UBE2V1: variants seen among roughly 807,000 people sequenced by gnomAD.
UBE2V1 encodes ubiquitin conjugating enzyme E2 V1.
A neutral mutation model predicts 19.6 loss-of-function variants in UBE2V1; 15 were observed. That is an observed-to-expected ratio of 0.77 (90% CI 0.51 to 1.18). UBE2V1 has a LOEUF of 1.18. Ranked by LOEUF, UBE2V1 falls within the 50% of genes most tolerant of loss-of-function variation. UBE2V1 has a pLI of 0.00. For synonymous variants in UBE2V1, 60 were observed against 60.7 expected, an observed-to-expected ratio of 0.99 and a Z score of 0.05; for missense variants, 125 against 184.8, an observed-to-expected ratio of 0.68 and a Z score of 1.88.
At chr20:50,103,903 C>T (rs916031977) in intron 1 of UBE2V1, among the ~76,000 whole-genome samples, 2 of 149,448 alleles carry the variant, frequency 1.3e-5, no homozygotes. Flanking sequence ...AGAGCTGTGA[C>T]TCATTCAATC....
chr20:50,097,861 A>G (rs1042231024), intron 1 of UBE2V1, among the ~76,000 whole-genome samples: 1 of 152,240 alleles, frequency 6.6e-6, no homozygotes, highest in African/African-American at 2.4e-5. Flanking sequence ...AGGTGTTGCC[A>G]GTATATGTAT....
chr20:50,101,958 C>T (rs1047740582), intron 1 of UBE2V1, among the ~76,000 whole-genome samples: 1 of 152,140 alleles, frequency 6.6e-6, no homozygotes, highest in African/African-American at 2.4e-5. Flanking sequence ...GAGGTTGGAG[C>T]CATGTTACTA....
chr20:50,091,060 T>G (rs146000862), intron 2 of UBE2V1, among the ~76,000 whole-genome samples: 94 of 152,302 alleles, frequency 6.2e-4, no homozygotes, highest in African/African-American at 2.2e-3. Flanking sequence ...AAAAAATTTT[T>G]TTTGAGACAA....
chr20:50,085,712 C>A (rs749807360), intron 2 of UBE2V1, among the ~76,000 whole-genome samples: 6 of 152,154 alleles, frequency 3.9e-5, no homozygotes, highest in Non-Finnish European at 7.3e-5. Flanking sequence ...TCATAATATA[C>A]CCATGGAAAC....
At chr20:50,113,799 A>ATTCG (rs1555882078), upstream of UBE2V1, among the ~76,000 whole-genome samples, 2 of 126,148 alleles carry the variant, frequency 1.6e-5, no homozygotes, top group Admixed American at 7.5e-5. Context: ...TCATTCGTTC[A>ATTCG]TTCATTCATT....
chr20:50,111,562 G>C (rs1478061199), intron 1 of UBE2V1: 1 of 1,000,174 alleles, frequency 1.0e-6, no homozygotes, highest in Admixed American at 6.1e-5. Flanking sequence ...CACTGTTCCA[G>C]CTGAAACCAA....
Position 50,081,247 on chromosome 20 carries a change from C to T in UBE2V1, c.*1521G>A, listed in dbSNP as rs1216160245. On this transcript the variant is annotated 3_prime_UTR_variant, in exon 4 of 4. Transcript: ENST00000371674. ...CTTACAGGATGTTAAATCCTTAGAA[C>T]TAAGGTTTTCCCCCCAGAAAAAGAT... The T allele has an allele frequency of 6.6e-6, 1 of 151,452 alleles. No individual in the cohort carries two copies. The highest frequency in any genetic ancestry group is 2.4e-5 in the African/African-American group (1 of 41,034). The allele number at this position is 151,452 out of a possible 1,614,324, so 9.4% of individuals were successfully genotyped here. A position where few individuals can be genotyped will look rare whatever the true frequency, so the allele number is the denominator to read the frequency against.
At chr20:50,109,499 C>T (rs2080605930) in intron 1 of UBE2V1, among the ~76,000 whole-genome samples, 1 of 151,942 alleles carries the variant, frequency 6.6e-6, no homozygotes. Context: ...GCCTGTAATC[C>T]CAGGACTTTG....
chr20:50,105,061 A>T (rs1184665352), intron 1 of UBE2V1, among the ~76,000 whole-genome samples: 3 of 152,210 alleles, frequency 2.0e-5, no homozygotes, highest in Non-Finnish European at 4.4e-5. Flanking sequence ...ATTTTAGGAA[A>T]ACTTACCATT....
rs1569017407 is a variant in UBE2V1, at chr20:50,106,886, A to AC, written c.22+6220_22+6221insG. On this transcript the variant is annotated intron_variant, in intron 1 of 3. Transcript: ENST00000371674. ...ACAACAACAACAACAAAAAAAAAAA[A>AC]ACAAAAAAAAGGTAGAACCTCAGAG... 4.8e-4 allele frequency among the ~76,000 whole-genome samples: 72 copies of AC among 149,196 alleles called. No homozygotes were observed. In the East Asian group the frequency reaches 9.0e-3, roughly 19 times the overall value.
At chr20:50,106,828 T>C (rs2080392846) in intron 1 of UBE2V1, among the ~76,000 whole-genome samples, 2 of 146,722 alleles carry the variant, frequency 1.4e-5, no homozygotes, top group South Asian at 2.1e-4. Flanking sequence ...AGAGTGAAAC[T>C]CTGTTTCAAA....
intron 1 of UBE2V1, among the ~76,000 whole-genome samples, chr20:50,110,885 G>A (rs1412736015): frequency 6.6e-6 from 1 of 152,130 alleles, no homozygotes; most frequent in Non-Finnish European, 1.5e-5. Flanking sequence ...TCTCTCTCCT[G>A]CCTGTGACAC....
At chr20:50,112,486 T>A (rs904991837) in intron 1 of UBE2V1, among the ~76,000 whole-genome samples, 1 of 152,142 alleles carries the variant, frequency 6.6e-6, no homozygotes, top group African/African-American at 2.4e-5. Context: ...GAGACCCCCT[T>A]CATTCTCCCC....
intron 2 of UBE2V1, among the ~76,000 whole-genome samples, chr20:50,092,279 G>A (rs770879130): frequency 5.3e-5 from 8 of 152,052 alleles, no homozygotes; most frequent in Non-Finnish European, 8.8e-5. Context: ...CTGAAATCAC[G>A]CCACTGCACT....
upstream of UBE2V1, among the ~76,000 whole-genome samples, chr20:50,113,681 C>T (rs2080916092): frequency 6.6e-6 from 1 of 152,148 alleles, no homozygotes; most frequent in African/African-American, 2.4e-5. Flanking sequence ...TGATGCTCCC[C>T]GGCCAGAGAA....
chr20:50,097,146 T>A (rs1375766892), intron 1 of UBE2V1, among the ~76,000 whole-genome samples: 1 of 152,096 alleles, frequency 6.6e-6, no homozygotes, highest in Non-Finnish European at 1.5e-5. Context: ...TCAACTAGTA[T>A]GAGATGAAAA....
At chr20:50,113,169 C>T (rs193169918), upstream of UBE2V1, 51 of 1,264,454 alleles carry the variant, frequency 4.0e-5, no homozygotes, top group South Asian at 5.3e-5. Flanking sequence ...CTTCTTCACC[C>T]CCCCCTTACC....
At chr20:50,095,106 T>G (rs1005845855) in intron 2 of UBE2V1, 1 of 152,228 alleles carries the variant, frequency 6.6e-6, no homozygotes, top group Non-Finnish European at 1.5e-5. Context: ...GTACATTGGT[T>G]CAATTCTCAG....
Position 50,082,894 on chromosome 20 carries a change from T to G in UBE2V1, c.318A>C (p.Ser106=). ...ATGAATTCTGCCATTTTGCTAGCAC[T>G]GATATGGCTCTTGGGTCCACCTACA... is the stretch of plus-strand genomic sequence containing the variant. ...SNGVVDPRAI[S]VLAKWQNSYS... Residue 106 remains serine (S), a synonymous_variant, in exon 4 of 4, where the codon TCA becomes TCC. Transcript: ENST00000371674. The G allele has an allele frequency of 6.2e-7, 1 of 1,609,708 alleles. No individual in the cohort carries two copies. Among genetic ancestry groups the G allele is most frequent in the Non-Finnish European group, 8.5e-7 (1 of 1,179,826 alleles).
Sources: allele counts gnomAD v4.1 joint callset (sites outside exome capture counted in the v4.1 genomes callset), GRCh38; gene constraint gnomAD v4.1.1; transcripts MANE v1.5; gene names NCBI Gene and HGNC (gene_info 2026-07-23, HGNC 2026-07-21).